Variants in VPS13B observed in about 807,000 individuals in gnomAD.
VPS13B encodes vacuolar protein sorting 13 homolog B.
In VPS13B, 285 loss-of-function variants were observed where a neutral mutation model predicts 426.4. The ratio of observed to expected loss-of-function variants is 0.67; its 90% CI spans 0.61 to 0.74. The LOEUF (loss-of-function observed/expected upper bound fraction) is 0.74. VPS13B is among the 30% of genes least tolerant of loss of function. The probability of loss-of-function intolerance (pLI) is 0.00; values close to 1 mark genes in which losing one functional copy is unlikely to be tolerated. For missense variants in VPS13B, 4,537 were observed against 4,782.6 expected (o/e 0.95, Z 1.51); for synonymous variants, 1,676 against 1,676.4 (o/e 1.00, Z 0.01).
Position 99,475,399 on chromosome 8 carries a change from G to A in VPS13B, c.3667-6200G>A, listed in dbSNP as rs79962574. Among the ~76,000 whole-genome samples the A allele has an allele frequency of 4.3e-3, 647 of 152,190 alleles. 9 individuals are homozygous for A. Among genetic ancestry groups the A allele is most frequent in the African/African-American group, 0.015 (621 of 41,516 alleles). ...TATCTACCAAAGTTCTTATAATTTA[G>A]GAAAGATAATTGTAGCTGTGAGAGG... is the stretch of plus-strand genomic sequence containing the variant. On this transcript the variant is annotated intron_variant, in intron 24 of 61. Transcript: ENST00000357162.
intron 17 of VPS13B, among the ~76,000 whole-genome samples, chr8:99,230,418 A>G (rs562615535): frequency 6.6e-6 from 1 of 152,324 alleles, no homozygotes; most frequent in African/African-American, 2.4e-5. Flanking sequence ...TGAGGTCAGA[A>G]GTCCTCCTCC....
At chr8:99,486,103 T>C (rs1820290761) in intron 25 of VPS13B, among the ~76,000 whole-genome samples, 1 of 152,202 alleles carries the variant, frequency 6.6e-6, no homozygotes, top group South Asian at 2.1e-4. Flanking sequence ...TGACTGCTTT[T>C]GCCAGGGTGC....
chr8:99,060,921 G>T (rs1234909871), intron 3 of VPS13B, among the ~76,000 whole-genome samples: 2 of 152,118 alleles, frequency 1.3e-5, no homozygotes, highest in African/African-American at 4.8e-5. Context: ...GAAGGCTTTA[G>T]TTTCATCAGG....
chr8:99,028,315 G>A (rs1365015382), intron 2 of VPS13B, among the ~76,000 whole-genome samples: 17 of 150,668 alleles, frequency 1.1e-4, no homozygotes, highest in East Asian at 4.0e-4. Context: ...CTCACCTCCC[G>A]GACGGGGCGG....
At chr8:99,533,360 A>C (rs957642925) in intron 30 of VPS13B, among the ~76,000 whole-genome samples, 5 of 152,238 alleles carry the variant, frequency 3.3e-5, no homozygotes, top group African/African-American at 1.2e-4. Context: ...CAAGTGACAT[A>C]ATTGTTTCAT....
In VPS13B at chr8:99,875,809, T is replaced by TGCAA; in HGVS notation, c.*147_*150dup. On this transcript the variant is annotated 3_prime_UTR_variant, in exon 62 of 62. Transcript: ENST00000357162. ...ACCTCAACCCACAAGTAGCTACGAC[T>TGCAA]GCAAGCACCTGCCACCATAAAGGGC... 1 of 1,050,002 alleles carries TGCAA rather than the reference T, an allele frequency of 9.5e-7. No individual in the cohort carries two copies. The highest frequency in any genetic ancestry group is 2.7e-4 in the Middle Eastern group (1 of 3,732). The allele number at this position is 1,050,002 out of a possible 1,614,324, so 65.0% of individuals were successfully genotyped here. A position where few individuals can be genotyped will look rare whatever the true frequency, so the allele number is the denominator to read the frequency against.
At position 99,105,477 on chromosome 8, in the gene VPS13B, C is replaced by T. The variant is rs112733307; in HGVS notation, c.580+2357C>T. 3.9e-3 allele frequency among the ~76,000 whole-genome samples: 588 copies of T among 152,266 alleles called. 6 individuals carry two copies. The highest frequency in any genetic ancestry group is 0.013 in the African/African-American group (523 of 41,542). On this transcript the variant is annotated intron_variant, in intron 5 of 61. Coordinates refer to ENST00000357162, the MANE Select transcript of VPS13B (RefSeq NM_152564.5). ...CACTGCAACTTCTGCCTCCCGGGTT[C>T]AAGCGATTCTCCTGCCTCAGCCTCC...
intron 17 of VPS13B, among the ~76,000 whole-genome samples, chr8:99,209,082 C>T (rs933292121): frequency 8.5e-5 from 13 of 152,074 alleles, no homozygotes; most frequent in South Asian, 8.3e-4. Flanking sequence ...AGATCGAGAC[C>T]ATCCTGGCCA....
chr8:99,378,141 C>CG (rs1813596927), intron 19 of VPS13B, among the ~76,000 whole-genome samples: 2 of 138,180 alleles, frequency 1.4e-5, no homozygotes, highest in African/African-American at 5.4e-5. Context: ...AGAGCCCCCC[C>CG]CCCCCGGAAT....
intron 33 of VPS13B, among the ~76,000 whole-genome samples, chr8:99,620,014 T>C (rs1383763085): frequency 6.6e-6 from 1 of 152,000 alleles, no homozygotes. Flanking sequence ...AAACAATAAG[T>C]GAAAGTTCCT....
intron 56 of VPS13B, among the ~76,000 whole-genome samples, chr8:99,858,049 G>C (rs1408180144): frequency 6.6e-6 from 1 of 152,156 alleles, no homozygotes; most frequent in Non-Finnish European, 1.5e-5. Flanking sequence ...CCCTCAGATC[G>C]CTGAGCTGAG....
intron 29 of VPS13B, among the ~76,000 whole-genome samples, chr8:99,515,551 G>A (rs915399501): frequency 6.6e-6 from 1 of 152,154 alleles, no homozygotes; most frequent in Non-Finnish European, 1.5e-5. Context: ...GAGTATGTGA[G>A]ATTGGGGAAG....
At chr8:99,577,355 C>A in intron 32 of VPS13B, 135 bp from the exon 33 acceptor site, 2 of 1,172,362 alleles carry the variant, frequency 1.7e-6, no homozygotes, top group Non-Finnish European at 2.5e-6. Context: ...ACCATTTTTG[C>A]TCTTCTCCTT....
intron 2 of VPS13B, among the ~76,000 whole-genome samples, chr8:99,022,000 A>AT (rs1841919034): frequency 1.3e-5 from 2 of 152,002 alleles, no homozygotes; most frequent in African/African-American, 4.8e-5. Context: ...GATGCTCGTA[A>AT]TTTGTATTTT....
At chr8:99,153,037 G>A (rs1220169969) in intron 14 of VPS13B, among the ~76,000 whole-genome samples, 4 of 152,098 alleles carry the variant, frequency 2.6e-5, no homozygotes, top group Non-Finnish European at 1.5e-5. Context: ...AGGCATGCTG[G>A]TGTGTGCCTG....
chr8:99,474,047 A>G (rs1245763306), intron 24 of VPS13B, among the ~76,000 whole-genome samples: 3 of 152,174 alleles, frequency 2.0e-5, no homozygotes, highest in African/African-American at 7.2e-5. Context: ...CAAATTGTTG[A>G]TGGCTTATTG....
At chr8:99,800,152 T>TA (rs966081862) in intron 43 of VPS13B, among the ~76,000 whole-genome samples, 3 of 152,240 alleles carry the variant, frequency 2.0e-5, no homozygotes, top group Non-Finnish European at 4.4e-5. Flanking sequence ...TACTTATTTT[T>TA]AAAAAAAGAA....
intron 30 of VPS13B, among the ~76,000 whole-genome samples, chr8:99,521,258 A>C (rs1822367451): frequency 5.9e-5 from 9 of 152,238 alleles, no homozygotes; most frequent in Admixed American, 5.9e-4. Flanking sequence ...GAAGAAGCAT[A>C]GTTTGGAAAA....
intron 17 of VPS13B, among the ~76,000 whole-genome samples, chr8:99,218,974 T>C (rs922934110): frequency 6.6e-6 from 1 of 152,186 alleles, no homozygotes; most frequent in African/African-American, 2.4e-5. Flanking sequence ...ACAATCTGGG[T>C]GGTGCAGGTT....
Sources: gnomAD v4.1 joint callset for allele counts (sites outside exome capture counted in the v4.1 genomes callset) on GRCh38, gnomAD v4.1.1 for gene constraint, MANE v1.5 for transcripts, NCBI Gene and HGNC (gene_info 2026-07-23, HGNC 2026-07-21) for gene names.